Variants in EMILIN2 observed in about 807,000 individuals in gnomAD.
EMILIN2 encodes the protein EMILIN-2.
Under a neutral mutation model 87.1 loss-of-function variants are expected in EMILIN2, and 71 were observed. The observed-to-expected ratio is 0.82, with a 90% CI of 0.67 to 0.99. The LOEUF (loss-of-function observed/expected upper bound fraction) is 0.99, where lower values mean the gene tolerates loss of function less well. Ranked by LOEUF, EMILIN2 falls within the 50% of genes least tolerant of loss-of-function variation. The pLI is 0.00. For synonymous variants in EMILIN2, 581 were observed against 563.4 expected, an observed-to-expected ratio of 1.03 and a Z score of -0.44; for missense variants, 1,407 against 1,371.8, an observed-to-expected ratio of 1.03 and a Z score of -0.40.
intron 2 of EMILIN2, among the ~76,000 whole-genome samples, chr18:2,872,515 C>A (rs1185384351): frequency 2.0e-5 from 3 of 152,112 alleles, no homozygotes; most frequent in Admixed American, 6.6e-5. Flanking sequence ...AGCCACCATG[C>A]CTGGACTGAA....
At chr18:2,851,579 G>A (rs2076602022) in intron 2 of EMILIN2, among the ~76,000 whole-genome samples, 1 of 152,132 alleles carries the variant, frequency 6.6e-6, no homozygotes, top group South Asian at 2.1e-4. Flanking sequence ...GGGCTTCTGC[G>A]CCCAGCCATG....
chr18:2,886,162 C>T (rs1024134560), intron 3 of EMILIN2, among the ~76,000 whole-genome samples: 1 of 152,102 alleles, frequency 6.6e-6, no homozygotes, highest in Non-Finnish European at 1.5e-5. Context: ...TATTGAACTT[C>T]TATATCTGTC....
At position 2,847,037 on chromosome 18, in the gene EMILIN2, G is replaced by C. The variant is rs1414488588; in HGVS notation, c.-152G>C. The stretch of plus-strand genomic sequence containing the variant: ...AGAAGTAGGAACGAGAAGCCGGAGG[G>C]GGCGGCCGCGGAGCACTGGTTGGAG... On this transcript the variant is annotated 5_prime_UTR_variant, in exon 1 of 8. Coordinates refer to ENST00000254528, the MANE Select transcript of EMILIN2 (RefSeq NM_032048.3). This position sits in a 1 kb window ranked among gnomAD's most constrained non-coding sequence, Gnocchi z 4.5. 1.9e-6 allele frequency: 2 copies of C among 1,057,458 alleles called. No homozygotes were observed. Among genetic ancestry groups the C allele is most frequent in the South Asian group, 5.1e-5 (2 of 38,944 alleles). 65.5% of individuals were successfully genotyped at this position (1,057,458 alleles called of 1,614,324 possible). A position where few individuals can be genotyped will look rare whatever the true frequency, so the allele number is the denominator to read the frequency against.
chr18:2,852,337 T>TA (rs1452405383), intron 2 of EMILIN2, among the ~76,000 whole-genome samples: 10 of 152,174 alleles, frequency 6.6e-5, no homozygotes, highest in African/African-American at 2.4e-4. Context: ...TTATCGGACA[T>TA]ACTGCATGGA....
rs1317749164 is a variant in EMILIN2 at position 2,885,018 on chromosome 18, G to T, written c.312G>T (p.Gln104His). Residue 104 changes from glutamine (Q) to histidine (H), a missense_variant, in exon 3 of 8, where the codon CAG (glutamine) becomes CAT (histidine). By Grantham distance (24) the Gln-to-His change is conservative. Transcript: ENST00000254528. ...TCACTAGGTATAAGACAGTGACACA[G>T]TTGGAATGGAGGTGCTGTCCTGGCT... ...RYVTRYKTVT[Q>H]LEWRCCPGFR... 1 of 1,613,824 alleles carries T rather than the reference G, an allele frequency of 6.2e-7. No individual in the cohort carries two copies. Among genetic ancestry groups the T allele is most frequent in the Admixed American group, 1.7e-5 (1 of 59,970 alleles).
intron 4 of EMILIN2, among the ~76,000 whole-genome samples, chr18:2,895,466 T>C (rs2076859014): frequency 6.6e-6 from 1 of 152,108 alleles, no homozygotes; most frequent in Non-Finnish European, 1.5e-5. Context: ...ACAACAAAGA[T>C]GTATTAGTTT....
intron 7 of EMILIN2, among the ~76,000 whole-genome samples, chr18:2,912,419 T>C (rs585295): frequency 0.63 from 96,034 of 151,550 alleles, 30,809 homozygotes; most frequent in East Asian, 0.96. Context: ...GTCCGATGTC[T>C]GCTGCGGAGC....
At chr18:2,869,213 T>C (rs1191415884) in intron 2 of EMILIN2, among the ~76,000 whole-genome samples, 1 of 152,190 alleles carries the variant, frequency 6.6e-6, no homozygotes, top group Non-Finnish European at 1.5e-5. Flanking sequence ...AGAAAAGACT[T>C]CTCTGGTACT....
At position 2,890,739 on chromosome 18, in the gene EMILIN2, C is replaced by G; in HGVS notation, c.612C>G (p.Ser204=). ...LTRTVLDLQS[S]LAGVSENLKH... is the part of the protein sequence containing the mutation. ...GGACGGTTCTTGACCTCCAGTCTTC[C>G]CTTGCTGGAGTGAGTGAAAATCTCA... The change falls in exon 4 of 8, where the codon TCC becomes TCG. Residue 204 remains serine, a synonymous_variant. Transcript: ENST00000254528. The surrounding 1 kb of genome is among the most constrained non-coding windows in gnomAD (Gnocchi z 4.7). 1 of 1,614,070 alleles carries G rather than the reference C, an allele frequency of 6.2e-7. No individual in the cohort carries two copies. Among genetic ancestry groups the G allele is most frequent in the South Asian group, 1.1e-5 (1 of 91,074 alleles).
At chr18:2,895,696 G>C (rs889398323) in intron 4 of EMILIN2, among the ~76,000 whole-genome samples, 1 of 152,204 alleles carries the variant, frequency 6.6e-6, no homozygotes, top group Non-Finnish European at 1.5e-5. Context: ...GCGGTGTCAA[G>C]TAGTCAGACT....
rs745729996 is a variant in EMILIN2 at position 2,909,810 on chromosome 18, C to T, written c.2815C>T (p.Pro939Ser). 3.7e-6 allele frequency: 6 copies of T among 1,613,296 alleles called. No homozygotes were observed. The Admixed American group carries it at 1.0e-4, about 27-fold the overall frequency. The change falls in exon 7 of 8, where the codon CCC (proline) becomes TCC (serine). Residue 939 changes from proline to serine, a missense_variant. By Grantham distance (74) the Pro-to-Ser change is moderately conservative (BLOSUM62 -1). Transcript: ENST00000254528. ...VLVNDGDVYN[P>S]STGVFTAPYD... ...GGTGAACGACGGGGATGTTTACAAC[C>T]CCAGCACCGGTGAGTGTTTGAACGG...
Position 2,847,840 on chromosome 18 carries a change from G to A in EMILIN2, c.166G>A (p.Val56Met). Residue 56 changes from valine to methionine, a missense_variant, in exon 2 of 8, where the codon GTG becomes ATG. Transcript: ENST00000254528. This position sits in a 1 kb window ranked among gnomAD's most constrained non-coding sequence, Gnocchi z 4.5. ...GTGCGCCTACATCGTGAACAAGAAT[G>A]TGAGCTGCTCCGTGCTGGAGGGAAG... ...NWCAYIVNKN[V>M]SCSVLEGSES... 8 of 1,613,622 alleles carry A rather than the reference G, an allele frequency of 5.0e-6. No homozygotes were observed. Among genetic ancestry groups the A allele is most frequent in the Non-Finnish European group, 6.8e-6 (8 of 1,179,828 alleles).
rs1280070845 is a variant in EMILIN2, at chr18:2,880,498, G to A, written c.258-4466G>A. 3.9e-5 allele frequency among the ~76,000 whole-genome samples: 6 copies of A among 152,200 alleles called. No individual in the cohort carries two copies. The highest frequency in any genetic ancestry group is 5.9e-5 in the Non-Finnish European group (4 of 68,022). On this transcript the variant is annotated intron_variant, in intron 2 of 7. Transcript: ENST00000254528. This position sits in a 1 kb window ranked among gnomAD's most constrained non-coding sequence, Gnocchi z 4.1. Reference sequence around the variant, plus strand: ...GGTTACAGCCCCAAGGGCCGCCCCCGCCCATACCCAAGGCACCTGTGGACG... The same window carrying A: ...GGTTACAGCCCCAAGGGCCGCCCCCACCCATACCCAAGGCACCTGTGGACG...
At chr18:2,852,793 A>G (rs1475660124) in intron 2 of EMILIN2, among the ~76,000 whole-genome samples, 3 of 152,254 alleles carry the variant, frequency 2.0e-5, no homozygotes, top group Non-Finnish European at 4.4e-5. Flanking sequence ...TGCTGGGATT[A>G]TAGGCGTGAG....
intron 2 of EMILIN2, among the ~76,000 whole-genome samples, chr18:2,872,039 A>G (rs532521196): frequency 4.4e-4 from 67 of 152,290 alleles, no homozygotes; most frequent in Non-Finnish European, 7.2e-4. Context: ...GATGTAACTG[A>G]TCTTTGGCCA....
chr18:2,904,145 T>C (rs542240166), intron 4 of EMILIN2, among the ~76,000 whole-genome samples: 2 of 152,372 alleles, frequency 1.3e-5, no homozygotes, highest in East Asian at 1.9e-4. Flanking sequence ...TTTGATGACA[T>C]TGTTCCCTTC....
intron 2 of EMILIN2, among the ~76,000 whole-genome samples, chr18:2,863,131 A>G (rs1246433894): frequency 1.3e-5 from 2 of 152,174 alleles, no homozygotes; most frequent in Admixed American, 1.3e-4. Flanking sequence ...TAGTCTTGCT[A>G]GCGGTCTATC....
chr18:2,909,351 C>CCACT (rs1419819362), intron 6 of EMILIN2, among the ~76,000 whole-genome samples: 1 of 152,210 alleles, frequency 6.6e-6, no homozygotes, highest in Non-Finnish European at 1.5e-5. Context: ...GATGATGCAC[C>CCACT]CACTGCCTGG....
At chr18:2,879,988 T>C (rs1349243153) in intron 2 of EMILIN2, among the ~76,000 whole-genome samples, 1 of 152,182 alleles carries the variant, frequency 6.6e-6, no homozygotes, top group East Asian at 1.9e-4. Context: ...ATTGCAGGCA[T>C]GAGCCACTGT....
Sources: allele counts gnomAD v4.1 joint callset (sites outside exome capture counted in the v4.1 genomes callset), GRCh38; gene constraint gnomAD v4.1.1; non-coding constraint Gnocchi (gnomAD v3.1); transcripts MANE v1.5; gene names NCBI Gene and HGNC (gene_info 2026-07-23, HGNC 2026-07-21).